CMTM1: variants seen among roughly 807,000 people sequenced by gnomAD.
The protein encoded by CMTM1 is CKLF-like MARVEL transmembrane domain-containing protein 1.
CMTM1 carries 16 observed loss-of-function variants against 17.8 expected under a neutral mutation model. That is an observed-to-expected ratio of 0.90 (90% CI 0.61 to 1.37). CMTM1 has a LOEUF of 1.37. CMTM1 is among the 40% of genes most tolerant of loss of function. The pLI is 0.00. For synonymous variants in CMTM1, 169 were observed against 154.6 expected (o/e 1.09, Z -0.69); for missense variants, 354 against 375.6 (o/e 0.94, Z 0.47).
Position 66,566,642 on chromosome 16 carries a change from C to T in CMTM1, c.129C>T (p.Asn43=), listed in dbSNP as rs750976523. 1.2e-6 allele frequency: 2 copies of T among 1,613,922 alleles called. No individual in the cohort carries two copies. The highest frequency in any genetic ancestry group is 1.3e-5 in the African/African-American group (1 of 74,880). The change falls in exon 1 of 4, where the codon AAC becomes AAT. Residue 43 remains asparagine, a synonymous_variant. Transcript: ENST00000379500. This position sits in a 1 kb window ranked among gnomAD's most constrained non-coding sequence, Gnocchi z 4.9. ...GTTCTGTACCCAAGGCACAGCGCAA[C>T]ATCTCAGCGAAGACCGCACCCCGGA... is the stretch of plus-strand genomic sequence containing the variant. ...VVSSVPKAQR[N]ISAKTAPRKH...
At chr16:66,568,361 T>C (rs1378297355) in intron 1 of CMTM1, among the ~76,000 whole-genome samples, 1 of 152,188 alleles carries the variant, frequency 6.6e-6, no homozygotes, top group Non-Finnish European at 1.5e-5. Flanking sequence ...TCACAGAACA[T>C]GTGACAAAAT....
chr16:66,568,810 C>T (rs901718970), intron 1 of CMTM1, among the ~76,000 whole-genome samples: 7 of 151,062 alleles, frequency 4.6e-5, no homozygotes, highest in African/African-American at 1.7e-4. Flanking sequence ...TGTTCGAACC[C>T]AGGAAGCAGA....
intron 1 of CMTM1, among the ~76,000 whole-genome samples, chr16:66,568,913 T>C (rs913767849): frequency 6.6e-6 from 1 of 151,216 alleles, no homozygotes; most frequent in Admixed American, 6.6e-5. Flanking sequence ...GTAAAATATA[T>C]GCTTTCTTTC....
In CMTM1 at chr16:66,569,970, T is replaced by C. The variant is rs1387770896; in HGVS notation, c.467T>C (p.Ile156Thr). The C allele has an allele frequency of 6.2e-7, 1 of 1,611,168 alleles. No individual in the cohort carries two copies. Among genetic ancestry groups the C allele is most frequent in the Admixed American group, 1.7e-5 (1 of 59,332 alleles). The change falls in exon 2 of 4, where the codon ATC (isoleucine) becomes ACC (threonine). Residue 156 changes from isoleucine (I) to threonine (T), a missense_variant. Coordinates refer to ENST00000379500, the MANE Select transcript of CMTM1 (RefSeq NM_052999.4). ...TTAGGAGCATTAGCTTGTTTCATCA[T>C]CACCCAAGCCAATGAGTCATTTATA... ...LILGALACFI[I>T]TQANESFITI...
chr16:66,570,222 G>T, intron 2 of CMTM1, 128 bp downstream of exon 2: 1 of 746,206 alleles, frequency 1.3e-6, no homozygotes, highest in Non-Finnish European at 2.1e-6. Flanking sequence ...GTGACAGTTA[G>T]GGTGTTGCCC....
chr16:66,571,056 C>A, intron 2 of CMTM1: 1 of 436,984 alleles, frequency 2.3e-6, no homozygotes. Context: ...CAGAATGTTC[C>A]TTTTGAGCTA....
intron 2 of CMTM1, among the ~76,000 whole-genome samples, chr16:66,576,420 A>G (rs1285141155): frequency 2.6e-5 from 4 of 151,780 alleles, no homozygotes; most frequent in African/African-American, 9.7e-5. Context: ...AGAACTCAGG[A>G]CTGAAATCCA....
intron 2 of CMTM1, among the ~76,000 whole-genome samples, chr16:66,573,909 ACTC>A (rs746124255): frequency 1.8e-4 from 27 of 151,192 alleles, no homozygotes; most frequent in Non-Finnish European, 3.4e-4. Context: ...CTGGTCTCGA[ACTC>A]CTGACCTCAG....
At chr16:66,578,763 G>C (rs1224335535) in intron 3 of CMTM1, 68 bp from the exon 4 acceptor site, 19 of 1,579,126 alleles carry the variant, frequency 1.2e-5, no homozygotes, top group Non-Finnish European at 1.6e-5. Context: ...GGATAGGTTC[G>C]AGAGGTTGCT....
intron 2 of CMTM1, among the ~76,000 whole-genome samples, chr16:66,573,825 T>C (rs1349352682): frequency 6.6e-6 from 1 of 151,806 alleles, no homozygotes; most frequent in African/African-American, 2.4e-5. Context: ...TAGCTGGGAT[T>C]ATAGGCACGT....
intron 1 of CMTM1, chr16:66,567,463 A>G (rs1457030319): frequency 2.7e-5 from 6 of 225,308 alleles, no homozygotes; most frequent in Non-Finnish European, 8.9e-6. Context: ...AGCTTCATCC[A>G]TGTCCCCGCA....
At chr16:66,575,051 C>T in intron 2 of CMTM1, 4 of 985,492 alleles carry the variant, frequency 4.1e-6, no homozygotes, top group Non-Finnish European at 4.8e-6. Context: ...TTACTTCCAA[C>T]CTCCACCAGC....
chr16:66,569,757 T>G (rs1453855712), intron 1 of CMTM1, among the ~76,000 whole-genome samples, 179 bp from the exon 2 acceptor site: 3 of 152,060 alleles, frequency 2.0e-5, no homozygotes, highest in African/African-American at 7.2e-5. Flanking sequence ...TATCCTTCTA[T>G]ACTGTGTGCT....
At chr16:66,568,383 C>T (rs1343041991) in intron 1 of CMTM1, among the ~76,000 whole-genome samples, 2 of 152,058 alleles carry the variant, frequency 1.3e-5, no homozygotes, top group Admixed American at 1.3e-4. Context: ...CAACATTTGT[C>T]CCTGATTGCC....
intron 3 of CMTM1, 68 bp from the exon 4 acceptor site, chr16:66,578,763 G>A (rs1224335535): frequency 3.8e-6 from 6 of 1,579,244 alleles, no homozygotes; most frequent in Non-Finnish European, 5.2e-6. Context: ...GGATAGGTTC[G>A]AGAGGTTGCT....
rs368668653 is a variant in CMTM1, at chr16:66,566,684, A to T, written c.171A>T (p.Ser57=). The T allele has an allele frequency of 2.5e-6, 4 of 1,613,756 alleles. No individual in the cohort carries two copies. In the African/African-American group the frequency reaches 4.0e-5, roughly 16 times the overall value. ...CACCCCGGAAGCACCCCGCAGTCTC[A>T]ATTCGCAGTGCGCAGTCCGCAGCCG... ...KTAPRKHPAV[S]IRSAQSAAAA... Residue 57 remains serine, a synonymous_variant, in exon 1 of 4, where the codon TCA becomes TCT. Coordinates refer to ENST00000379500, the MANE Select transcript of CMTM1 (RefSeq NM_052999.4). This position sits in a 1 kb window ranked among gnomAD's most constrained non-coding sequence, Gnocchi z 4.9.
intron 1 of CMTM1, 64 bp downstream of exon 1, chr16:66,567,009 C>A (rs746215367): frequency 9.7e-6 from 15 of 1,545,214 alleles, no homozygotes; most frequent in Non-Finnish European, 1.3e-5. Context: ...CGGGGAAATG[C>A]CCACGGGGTG....
chr16:66,573,334 A>G (rs1483697095), intron 2 of CMTM1, among the ~76,000 whole-genome samples: 1 of 152,186 alleles, frequency 6.6e-6, no homozygotes, highest in Non-Finnish European at 1.5e-5. Context: ...CACCCCACAC[A>G]TGCTCTTCAT....
In CMTM1 at chr16:66,566,477, G is replaced by T; in HGVS notation, c.-37G>T. The stretch of plus-strand genomic sequence containing the variant: ...CCAGGGGAGAGCCAGCCGCTGCCGC[G>T]GCACTGGTTCAGACGGCCAGGCCCT... On this transcript the variant is annotated 5_prime_UTR_variant, in exon 1 of 4. Coordinates refer to ENST00000379500, the MANE Select transcript of CMTM1 (RefSeq NM_052999.4). The surrounding 1 kb of genome is among the most constrained non-coding windows in gnomAD (Gnocchi z 4.9). 1 of 1,535,116 alleles carries T rather than the reference G, an allele frequency of 6.5e-7. No homozygotes were observed. The highest frequency in any genetic ancestry group is 2.1e-5 in the Admixed American group (1 of 48,252).
Sources: gnomAD v4.1 joint callset for allele counts (sites outside exome capture counted in the v4.1 genomes callset) on GRCh38, gnomAD v4.1.1 for gene constraint, Gnocchi (gnomAD v3.1) non-coding constraint, MANE v1.5 for transcripts, NCBI Gene and HGNC (gene_info 2026-07-23, HGNC 2026-07-21) for gene names.